Variants in INSC observed in about 807,000 individuals in gnomAD.
INSC encodes INSC spindle orientation adaptor protein.
In INSC, 67 loss-of-function variants were observed where a neutral mutation model predicts 58.6. That is an observed-to-expected ratio of 1.14 (90% confidence interval 0.94 to 1.40). INSC has a LOEUF of 1.40. Ranked by LOEUF, INSC falls within the 40% of genes most tolerant of loss-of-function variation. The pLI is 0.00. For synonymous variants in INSC, 262 were observed against 276.1 expected (o/e 0.95, Z 0.51); for missense variants, 714 against 692.0 (o/e 1.03, Z -0.36).
chr11:15,247,138 A>C lies in INSC; in HGVS notation c.*1098A>C, dbSNP rs2133992586. Reference sequence around the variant, plus strand: ...ATGCCATCATATTGTGATATAATTTATACAATATAATATAATTGTGTAAAA... The same window carrying C: ...ATGCCATCATATTGTGATATAATTTCTACAATATAATATAATTGTGTAAAA... On this transcript the variant is annotated 3_prime_UTR_variant, in exon 13 of 13. Transcript: ENST00000379556. The C allele has an allele frequency of 6.6e-6, 1 of 152,254 alleles. No individual in the cohort carries two copies. Among genetic ancestry groups the C allele is most frequent in the African/African-American group, 2.4e-5 (1 of 41,544 alleles). The allele number at this position is 152,254 out of a possible 1,614,324, so 9.4% of individuals were successfully genotyped here.
intron 7 of INSC, among the ~76,000 whole-genome samples, chr11:15,214,311 T>A (rs182395404): frequency 2.0e-4 from 31 of 152,318 alleles, no homozygotes; most frequent in Admixed American, 2.0e-3. Context: ...AAAGAGAAAA[T>A]TTGAGCATCT....
upstream of INSC, among the ~76,000 whole-genome samples, chr11:15,114,598 C>T (rs1394150192): frequency 1.3e-5 from 2 of 152,218 alleles, no homozygotes; most frequent in East Asian, 3.9e-4. Flanking sequence ...CTTCGCGGCT[C>T]CCGGGCGATC....
intron 12 of INSC, chr11:15,241,548 G>C: frequency 1.4e-6 from 1 of 702,384 alleles, no homozygotes; most frequent in Admixed American, 2.0e-5. Flanking sequence ...ATGATTCTGC[G>C]TTCCATTCAC....
the INSC span, among the ~76,000 whole-genome samples, chr11:15,265,127 T>C: frequency 6.6e-6 from 1 of 152,054 alleles, no homozygotes; most frequent in Non-Finnish European, 1.5e-5. Context: ...CTTTGTAGAT[T>C]AAGAAAAATA....
downstream of INSC, among the ~76,000 whole-genome samples, chr11:15,249,423 C>A (rs567278941): frequency 2.0e-5 from 3 of 152,198 alleles, no homozygotes; most frequent in African/African-American, 7.2e-5. Context: ...CTCCTTGGAG[C>A]CTTGCTTCAG....
intron 10 of INSC, among the ~76,000 whole-genome samples, chr11:15,237,741 G>A (rs1316430243): frequency 6.6e-6 from 1 of 152,166 alleles, no homozygotes; most frequent in Non-Finnish European, 1.5e-5. Context: ...AATGTAAATG[G>A]ACGAGGCGAG....
chr11:15,221,533 C>T lies in INSC; in HGVS notation c.876C>T (p.Ala292=). ...DILTDNSHSE[A]TRAEAAAVVA... is the part of the protein sequence containing the mutation. ...TGACCGACAACAGCCACTCAGAGGCCACACGGGCTGAGGCTGCGGCTGTGG... is the reference window on the plus strand; with the variant it reads ...TGACCGACAACAGCCACTCAGAGGCTACACGGGCTGAGGCTGCGGCTGTGG... Residue 292 remains alanine (A), a synonymous_variant, in exon 8 of 13, where the codon GCC becomes GCT. Transcript: ENST00000379556. 6.2e-7 allele frequency: 1 copy of T among 1,614,046 alleles called. No individual in the cohort carries two copies. Among genetic ancestry groups the T allele is most frequent in the Non-Finnish European group, 8.5e-7 (1 of 1,179,986 alleles).
At chr11:15,230,002 TATATATATATAATATATA>T (rs1851845849) in intron 9 of INSC, among the ~76,000 whole-genome samples, 2 of 26,358 alleles carry the variant, frequency 7.6e-5, no homozygotes, top group African/African-American at 3.1e-4. Flanking sequence ...TATATATATA[TATATATATATAATATATA>T]TATATATATA....
chr11:15,143,701 G>A (rs1481171271), intron 1 of INSC, among the ~76,000 whole-genome samples: 1 of 152,098 alleles, frequency 6.6e-6, no homozygotes, highest in East Asian at 1.9e-4. Flanking sequence ...ATGAAAGGAA[G>A]CCCTTGCAGA....
the INSC span, among the ~76,000 whole-genome samples, chr11:15,262,687 C>CACACACACAA: frequency 6.6e-6 from 1 of 151,068 alleles, no homozygotes; most frequent in Admixed American, 6.6e-5. Flanking sequence ...CACACACACA[C>CACACACACAA]AAACAGTATC....
intron 10 of INSC, 128 bp from the exon 11 acceptor site, chr11:15,238,791 C>G: frequency 1.2e-6 from 1 of 868,548 alleles, no homozygotes; most frequent in Non-Finnish European, 1.8e-6. Context: ...AGCTTCCTCC[C>G]TGTGGGTGAG....
chr11:15,203,964 T>C (rs1361081409), intron 7 of INSC, among the ~76,000 whole-genome samples: 2 of 152,244 alleles, frequency 1.3e-5, no homozygotes, highest in African/African-American at 4.8e-5. Flanking sequence ...GGGTGTTCTC[T>C]ATGTGCTTTC....
chr11:15,220,305 C>T (rs191550990), intron 7 of INSC, among the ~76,000 whole-genome samples: 89 of 152,318 alleles, frequency 5.8e-4, no homozygotes, highest in African/African-American at 2.1e-3. Context: ...TCCCTACCTC[C>T]CACTCCCAAC....
chr11:15,214,899 C>T (rs1478221757), intron 7 of INSC, among the ~76,000 whole-genome samples: 1 of 152,194 alleles, frequency 6.6e-6, no homozygotes. Flanking sequence ...TTCTGCCTTC[C>T]ACTACAGAAT....
At chr11:15,219,530 C>T (rs1185638682) in intron 7 of INSC, among the ~76,000 whole-genome samples, 1 of 152,064 alleles carries the variant, frequency 6.6e-6, no homozygotes, top group African/African-American at 2.4e-5. Context: ...GGGAGCAGGC[C>T]TGGCAGCCAG....
chr11:15,249,170 G>C (rs1852623915), downstream of INSC, among the ~76,000 whole-genome samples: 1 of 152,158 alleles, frequency 6.6e-6, no homozygotes, highest in African/African-American at 2.4e-5. Flanking sequence ...AAATCCTCTG[G>C]AACAAGCCTC....
At chr11:15,192,767 T>G (rs1191005748) in intron 6 of INSC, among the ~76,000 whole-genome samples, 1 of 152,186 alleles carries the variant, frequency 6.6e-6, no homozygotes, top group East Asian at 1.9e-4. Context: ...ATAACCTCCC[T>G]TATTCTCCAT....
the INSC span, among the ~76,000 whole-genome samples, chr11:15,257,910 G>T: frequency 1.3e-5 from 2 of 152,110 alleles, no homozygotes; most frequent in African/African-American, 4.8e-5. Flanking sequence ...CTTGGCTTAT[G>T]GTACTTAGCT....
At chr11:15,262,655 AACACACACACACAC>A in the INSC span, among the ~76,000 whole-genome samples, 2 of 146,680 alleles carry the variant, frequency 1.4e-5, no homozygotes, top group South Asian at 2.2e-4. Flanking sequence ...CTGGGTGATA[AACACACACACACAC>A]ACACACACAC....
Sources: gnomAD v4.1 joint callset for allele counts (sites outside exome capture counted in the v4.1 genomes callset) on GRCh38, gnomAD v4.1.1 for gene constraint, MANE v1.5 for transcripts, NCBI Gene and HGNC (gene_info 2026-07-23, HGNC 2026-07-21) for gene names.